Variants in ST6GALNAC5 observed in about 807,000 individuals in gnomAD.
The protein encoded by ST6GALNAC5 is alpha-N-acetylgalactosaminide alpha-2,6-sialyltransferase 5.
ST6GALNAC5 carries 27 observed loss-of-function variants against 33.6 expected under a neutral mutation model. That is an observed-to-expected ratio of 0.80 (90% CI 0.59 to 1.11). ST6GALNAC5 has a LOEUF of 1.11. Ranked by LOEUF, ST6GALNAC5 falls within the 50% of genes least tolerant of loss-of-function variation. ST6GALNAC5 has a pLI of 0.00. For synonymous variants in ST6GALNAC5, 194 were observed against 171.2 expected (o/e 1.13, Z -1.04); for missense variants, 428 against 454.0 (o/e 0.94, Z 0.52).
At chr1:76,985,422 A>G (rs1364751774) in intron 2 of ST6GALNAC5, among the ~76,000 whole-genome samples, 1 of 152,206 alleles carries the variant, frequency 6.6e-6, no homozygotes, top group Non-Finnish European at 1.5e-5. Flanking sequence ...TGCTACAAAG[A>G]GAATAAAATA....
chr1:76,874,805 C>T lies in ST6GALNAC5; in HGVS notation c.261+6063C>T, dbSNP rs556001371. Among the ~76,000 whole-genome samples, 17 of 152,288 alleles carry T rather than the reference C, an allele frequency of 1.1e-4. No homozygotes were observed. In the South Asian group the frequency reaches 3.3e-3, roughly 30 times the overall value. On this transcript the variant is annotated intron_variant, in intron 2 of 4. Transcript: ENST00000477717. ...GTATCCTTCAATCCAATCAAGTTGA[C>T]ACTCAGTATTAACCATCGCAAGTCC... is the stretch of plus-strand genomic sequence containing the variant.
intron 4 of ST6GALNAC5, 140 bp downstream of exon 4, chr1:77,050,505 GA>G (rs1652184773): frequency 2.9e-6 from 2 of 701,190 alleles, no homozygotes; most frequent in South Asian, 4.5e-5. Flanking sequence ...TCTCATTCTA[GA>G]AACAACAAAC....
At chr1:76,900,653 G>A (rs185701223) in intron 2 of ST6GALNAC5, among the ~76,000 whole-genome samples, 396 of 152,180 alleles carry the variant, frequency 2.6e-3, no homozygotes, top group Non-Finnish European at 4.5e-3. Context: ...TGAAAGCAAG[G>A]AAGCGATCAA....
At chr1:76,884,413 A>G (rs758866027) in intron 2 of ST6GALNAC5, among the ~76,000 whole-genome samples, 10 of 152,154 alleles carry the variant, frequency 6.6e-5, no homozygotes, top group Admixed American at 2.6e-4. Flanking sequence ...TCGAGACTCC[A>G]TAATGCATAT....
chr1:76,968,189 G>C (rs181877662), intron 2 of ST6GALNAC5, among the ~76,000 whole-genome samples: 1 of 152,122 alleles, frequency 6.6e-6, no homozygotes, highest in African/African-American at 2.4e-5. Context: ...GGGTGTTAAA[G>C]TCTCCCATTA....
chr1:77,039,226 T>C (rs555102315), intron 2 of ST6GALNAC5, among the ~76,000 whole-genome samples: 1 of 152,332 alleles, frequency 6.6e-6, no homozygotes, highest in East Asian at 1.9e-4. Flanking sequence ...CTGTGCATTT[T>C]CCTGGGCATT....
At chr1:77,026,705 T>C (rs1651250482) in intron 2 of ST6GALNAC5, among the ~76,000 whole-genome samples, 1 of 152,228 alleles carries the variant, frequency 6.6e-6, no homozygotes, top group Non-Finnish European at 1.5e-5. Flanking sequence ...TCCTTCATAG[T>C]AGAGATTCAG....
chr1:76,947,680 A>C (rs1293982808), intron 2 of ST6GALNAC5, among the ~76,000 whole-genome samples: 1 of 152,120 alleles, frequency 6.6e-6, no homozygotes, highest in Non-Finnish European at 1.5e-5. Flanking sequence ...CAGGAGTTCA[A>C]GGCTGCAGTG....
chr1:76,918,487 A>C (rs1228062323), intron 2 of ST6GALNAC5, among the ~76,000 whole-genome samples: 1 of 151,870 alleles, frequency 6.6e-6, no homozygotes, highest in African/African-American at 2.4e-5. Context: ...GCATGGTGCC[A>C]CATGCCTGTA....
At chr1:76,925,180 C>T (rs1016059151) in intron 2 of ST6GALNAC5, among the ~76,000 whole-genome samples, 1 of 152,044 alleles carries the variant, frequency 6.6e-6, no homozygotes, top group Admixed American at 6.6e-5. Flanking sequence ...ATTCACTCAT[C>T]ACCAAGAGGA....
chr1:77,038,900 G>T lies in ST6GALNAC5; in HGVS notation c.262-5304G>T, dbSNP rs188915279. Among the ~76,000 whole-genome samples the T allele has an allele frequency of 3.2e-3, 489 of 152,234 alleles. 2 individuals carry two copies. The highest frequency in any genetic ancestry group is 4.2e-3 in the Admixed American group (64 of 15,292). On this transcript the variant is annotated intron_variant, in intron 2 of 4. Transcript: ENST00000477717. ...GCTGGTTTTTGTTGTTGTTGCTGGGGGTGGGCAGGGGTGATGGAAGGAGAA... is the reference window on the plus strand; with the variant it reads ...GCTGGTTTTTGTTGTTGTTGCTGGGTGTGGGCAGGGGTGATGGAAGGAGAA...
chr1:76,950,938 C>T (rs1291658377), intron 2 of ST6GALNAC5, among the ~76,000 whole-genome samples: 1 of 151,910 alleles, frequency 6.6e-6, no homozygotes. Context: ...ATCTCACGAA[C>T]CACCTGTGAT....
chr1:77,003,636 T>C (rs1650265184), intron 2 of ST6GALNAC5, among the ~76,000 whole-genome samples: 1 of 152,294 alleles, frequency 6.6e-6, no homozygotes, highest in African/African-American at 2.4e-5. Context: ...GTACTGGTTG[T>C]TCCTTTCCAT....
chr1:76,987,180 T>C (rs116232600), intron 2 of ST6GALNAC5, among the ~76,000 whole-genome samples: 2,025 of 151,752 alleles, frequency 0.013, 48 homozygotes, highest in African/African-American at 0.046. Flanking sequence ...TAAAAGCAAA[T>C]AAACAAATAA....
intron 2 of ST6GALNAC5, among the ~76,000 whole-genome samples, chr1:76,903,638 T>C (rs913498395): frequency 6.6e-6 from 1 of 152,196 alleles, no homozygotes; most frequent in African/African-American, 2.4e-5. Context: ...AACCTAAATG[T>C]CTGTTAACTG....
rs1364642228 is a variant in ST6GALNAC5, at chr1:76,889,491, C to A, written c.261+20749C>A. Among the ~76,000 whole-genome samples the A allele has an allele frequency of 2.6e-5, 4 of 152,002 alleles. No individual in the cohort carries two copies. The East Asian group carries it at 7.7e-4, about 29-fold the overall frequency. ...ACAGTTTTACTTTCTTTGAAAATAT[C>A]TTTATTTTGCCCACATCAGTTATTT... On this transcript the variant is annotated intron_variant, in intron 2 of 4. Transcript: ENST00000477717.
chr1:77,040,671 G>A (rs967138005), intron 2 of ST6GALNAC5, among the ~76,000 whole-genome samples: 4 of 152,138 alleles, frequency 2.6e-5, no homozygotes, highest in African/African-American at 7.2e-5. Context: ...TTAATTAAGG[G>A]GAAAGAGATG....
intron 2 of ST6GALNAC5, among the ~76,000 whole-genome samples, chr1:76,872,336 C>G (rs781037735): frequency 6.6e-6 from 1 of 152,040 alleles, no homozygotes; most frequent in African/African-American, 2.4e-5. Context: ...CCCAGACTGC[C>G]CTTTACTGAA....
intron 2 of ST6GALNAC5, among the ~76,000 whole-genome samples, chr1:76,935,212 C>T (rs1031455070): frequency 7.2e-5 from 11 of 151,754 alleles, no homozygotes; most frequent in South Asian, 2.1e-4. Flanking sequence ...TTTGGAAATA[C>T]GTGGGAAATA....
Sources: allele counts gnomAD v4.1 joint callset (sites outside exome capture counted in the v4.1 genomes callset), GRCh38; gene constraint gnomAD v4.1.1; transcripts MANE v1.5; gene names NCBI Gene and HGNC (gene_info 2026-07-23, HGNC 2026-07-21).